Variants in EPHA4 observed in about 807,000 individuals in gnomAD.
EPHA4 encodes the protein ephrin type-A receptor 4.
EPHA4 carries 19 observed loss-of-function variants against 108.3 expected under a neutral mutation model. The observed-to-expected ratio is 0.18, with a 90% CI of 0.12 to 0.26. The LOEUF is 0.26. EPHA4 is among the 10% of genes least tolerant of loss of function. The pLI is 1.00. For synonymous variants in EPHA4, 449 were observed against 455.5 expected (o/e 0.99, Z 0.18); for missense variants, 917 against 1,254.0 (o/e 0.73, Z 4.06).
At chr2:221,512,449 A>G (rs1432070374) in intron 3 of EPHA4, among the ~76,000 whole-genome samples, 2 of 152,216 alleles carry the variant, frequency 1.3e-5, no homozygotes, top group African/African-American at 4.8e-5. Context: ...ATGAAATGCA[A>G]ATCAGGAGAC....
intron 3 of EPHA4, among the ~76,000 whole-genome samples, chr2:221,539,606 G>A (rs1195261158): frequency 6.6e-6 from 1 of 152,130 alleles, no homozygotes; most frequent in Non-Finnish European, 1.5e-5. Flanking sequence ...AAAGAGCTTG[G>A]AGACCTATCC....
intron 3 of EPHA4, among the ~76,000 whole-genome samples, chr2:221,524,317 A>G (rs1693260457): frequency 6.6e-6 from 1 of 152,238 alleles, no homozygotes; most frequent in South Asian, 2.1e-4. Flanking sequence ...AGAACAAGTG[A>G]AACTTGAGAA....
At chr2:221,517,496 G>A (rs1298831277) in intron 3 of EPHA4, among the ~76,000 whole-genome samples, 1 of 152,072 alleles carries the variant, frequency 6.6e-6, no homozygotes, top group Non-Finnish European at 1.5e-5. Context: ...TTAGAAGCAG[G>A]GGACCTGTAA....
intron 4 of EPHA4, among the ~76,000 whole-genome samples, chr2:221,486,557 G>T (rs750434653): frequency 2.9e-4 from 44 of 151,582 alleles, no homozygotes; most frequent in African/African-American, 9.5e-4. Context: ...TGAAACCCCC[G>T]TCTCTACTAA....
intron 3 of EPHA4, among the ~76,000 whole-genome samples, chr2:221,539,628 G>A (rs535386527): frequency 8.5e-5 from 13 of 152,232 alleles, no homozygotes; most frequent in East Asian, 3.9e-4. Flanking sequence ...AAAATACAGC[G>A]TAAACTCCTC....
intron 5 of EPHA4, among the ~76,000 whole-genome samples, chr2:221,471,391 G>A (rs1691484432): frequency 6.6e-6 from 1 of 152,126 alleles, no homozygotes; most frequent in Non-Finnish European, 1.5e-5. Context: ...CCTAAATACT[G>A]GAGGAGTTTA....
Position 221,563,744 on chromosome 2 carries a change from G to T in EPHA4, c.810C>A (p.Ser270Arg). 6.2e-7 allele frequency: 1 copy of T among 1,613,952 alleles called. No individual in the cohort carries two copies. Among genetic ancestry groups the T allele is most frequent in the Non-Finnish European group, 8.5e-7 (1 of 1,179,902 alleles). ...GGACCCTCTTACCTTGGCATTCTCC[G>T]CTCCGCTCCTCATGCCCAGCGTTGC... ...CLCNAGHEERSGECQACKIGY... is the reference protein window; with the variant it reads ...CLCNAGHEERRGECQACKIGY... Residue 270 changes from serine to arginine, a missense_variant, in exon 3 of 18, where the codon AGC becomes AGA. Ser to Arg is a moderately radical substitution (Grantham distance 110). Transcript: ENST00000281821.
At chr2:221,443,636 A>C (rs372716993) in intron 9 of EPHA4, 30 bp from the exon 10 acceptor site, 9 of 1,529,058 alleles carry the variant, frequency 5.9e-6, no homozygotes, top group Admixed American at 1.7e-5. Context: ...AGTTGGCTGA[A>C]TACTTCTAAG....
chr2:221,547,743 T>G (rs536939919), intron 3 of EPHA4, among the ~76,000 whole-genome samples: 1 of 152,170 alleles, frequency 6.6e-6, no homozygotes, highest in Non-Finnish European at 1.5e-5. Flanking sequence ...AGTTCTCAAG[T>G]GTGTAAGCTG....
At chr2:221,428,822 T>C (rs1689988581) in intron 15 of EPHA4, among the ~76,000 whole-genome samples, 1 of 152,226 alleles carries the variant, frequency 6.6e-6, no homozygotes, top group Admixed American at 6.5e-5. Flanking sequence ...TTGAGCATTT[T>C]GTGTAGTGGC....
At chr2:221,431,516 G>A (rs1003118482) in intron 14 of EPHA4, among the ~76,000 whole-genome samples, 2 of 152,172 alleles carry the variant, frequency 1.3e-5, no homozygotes, top group African/African-American at 4.8e-5. Flanking sequence ...TCATGTATCA[G>A]TATCACCTAC....
intron 5 of EPHA4, among the ~76,000 whole-genome samples, chr2:221,473,789 C>T (rs1237911803): frequency 6.6e-6 from 1 of 152,040 alleles, no homozygotes; most frequent in African/African-American, 2.4e-5. Context: ...TCATCTCAGC[C>T]AGGCACTTAT....
In EPHA4 at chr2:221,571,544, C is replaced by T. The variant is rs1406756743; in HGVS notation, c.91+614G>A. ...GGGCGAAGAGCTCGGGCCCCTCAGG[C>T]CCGCAATCGCACCCTCGGGGCGCTG... On this transcript the variant is annotated intron_variant, in intron 1 of 17. Transcript: ENST00000281821. This position sits in a 1 kb window ranked among gnomAD's most constrained non-coding sequence, Gnocchi z 6.3. Among the ~76,000 whole-genome samples, 2 of 152,216 alleles carry T rather than the reference C, an allele frequency of 1.3e-5. No individual in the cohort carries two copies. The highest frequency in any genetic ancestry group is 3.9e-4 in the East Asian group (2 of 5,172).
At chr2:221,547,295 T>A (rs1344666010) in intron 3 of EPHA4, among the ~76,000 whole-genome samples, 1 of 152,248 alleles carries the variant, frequency 6.6e-6, no homozygotes, top group East Asian at 1.9e-4. Context: ...ATTTTAAGAT[T>A]GATTTTCCTT....
rs558961452 is a variant in EPHA4, at chr2:221,534,818, A to T, written c.823+28913T>A. ...ACCTCAAGAAACAGTTTCTGGGGGAAAAAAGGTAAATAACTCAACTCTTTC... is the reference window on the plus strand; with the variant it reads ...ACCTCAAGAAACAGTTTCTGGGGGATAAAAGGTAAATAACTCAACTCTTTC... On this transcript the variant is annotated intron_variant, in intron 3 of 17. Coordinates refer to ENST00000281821, the MANE Select transcript of EPHA4 (RefSeq NM_004438.5). Among the ~76,000 whole-genome samples, 6 of 152,318 alleles carry T rather than the reference A, an allele frequency of 3.9e-5. No individual in the cohort carries two copies. The East Asian group carries it at 9.6e-4, about 24-fold the overall frequency.
intron 5 of EPHA4, among the ~76,000 whole-genome samples, chr2:221,460,925 G>A (rs189411162): frequency 6.6e-6 from 1 of 152,182 alleles, no homozygotes; most frequent in Non-Finnish European, 1.5e-5. Context: ...AATAAATGCA[G>A]TATCTTTAAC....
intron 4 of EPHA4, among the ~76,000 whole-genome samples, chr2:221,482,915 G>A (rs765404826): frequency 6.6e-6 from 1 of 152,154 alleles, no homozygotes; most frequent in African/African-American, 2.4e-5. Flanking sequence ...ACAAGGCATC[G>A]GTTGTCACTT....
intron 3 of EPHA4, among the ~76,000 whole-genome samples, chr2:221,512,966 C>G (rs1039358678): frequency 6.6e-6 from 1 of 152,094 alleles, no homozygotes; most frequent in African/African-American, 2.4e-5. Context: ...GGGGACCTCA[C>G]CCATGCACCT....
chr2:221,451,611 C>A (rs1690787677), intron 8 of EPHA4, among the ~76,000 whole-genome samples: 1 of 152,020 alleles, frequency 6.6e-6, no homozygotes, highest in Non-Finnish European at 1.5e-5. Context: ...AGTGTTCTGC[C>A]TTAAACTAAC....
Sources: gnomAD v4.1 joint callset for allele counts (sites outside exome capture counted in the v4.1 genomes callset) on GRCh38, gnomAD v4.1.1 for gene constraint, Gnocchi (gnomAD v3.1) non-coding constraint, MANE v1.5 for transcripts, NCBI Gene and HGNC (gene_info 2026-07-23, HGNC 2026-07-21) for gene names.